Variants in KLF12 observed in about 807,000 individuals in gnomAD.
KLF12 encodes Krueppel-like factor 12.
KLF12 carries 9 observed loss-of-function variants against 37.8 expected under a neutral mutation model. The ratio of observed to expected loss-of-function variants is 0.24; its 90% confidence interval spans 0.14 to 0.42. The LOEUF (loss-of-function observed/expected upper bound fraction) is 0.42, where lower values mean the gene tolerates loss of function less well. Among genes scored for constraint, KLF12 ranks in the 10% least tolerant of loss-of-function variants. The probability of loss-of-function intolerance (pLI) is 1.00; values close to 1 mark genes in which losing one functional copy is unlikely to be tolerated. For synonymous variants in KLF12, 208 were observed against 202.1 expected (o/e 1.03, Z -0.25); for missense variants, 411 against 516.0 (o/e 0.80, Z 1.97).
At chr13:74,301,167 G>A in the KLF12 span, among the ~76,000 whole-genome samples, 6 of 152,084 alleles carry the variant, frequency 3.9e-5, no homozygotes, top group Non-Finnish European at 7.4e-5. Flanking sequence ...TCTGCAATGA[G>A]GAACAGTACA....
At chr13:73,813,378 C>T (rs1883046455) in intron 4 of KLF12, 91 bp from the exon 5 acceptor site, 1 of 1,368,760 alleles carries the variant, frequency 7.3e-7, no homozygotes, top group Non-Finnish European at 1.0e-6. Flanking sequence ...AACTTCTGTG[C>T]ATATCATGCA....
intron 1 of KLF12, among the ~76,000 whole-genome samples, chr13:74,002,560 GT>G: frequency 6.6e-6 from 1 of 152,184 alleles, no homozygotes; most frequent in South Asian, 2.1e-4. Context: ...TAGAGACGGA[GT>G]TCTGCCATGT....
chr13:73,792,246 A>G (rs1190926225), intron 5 of KLF12, among the ~76,000 whole-genome samples: 1 of 152,224 alleles, frequency 6.6e-6, no homozygotes, highest in Non-Finnish European at 1.5e-5. Flanking sequence ...GATTTTTTAC[A>G]ATGAAATTGT....
At chr13:74,120,595 T>C (rs890404314) in intron 1 of KLF12, among the ~76,000 whole-genome samples, 2 of 152,044 alleles carry the variant, frequency 1.3e-5, no homozygotes, top group Non-Finnish European at 2.9e-5. Flanking sequence ...ACCCTGGAAC[T>C]AGCAAAAATA....
intron 3 of KLF12, among the ~76,000 whole-genome samples, chr13:73,852,670 G>A (rs1445296161): frequency 1.3e-5 from 2 of 151,754 alleles, no homozygotes; most frequent in African/African-American, 4.8e-5. Context: ...TCAGCTACTG[G>A]GGAAGCTGAG....
At chr13:74,212,098 A>T in the KLF12 span, among the ~76,000 whole-genome samples, 24,963 of 152,138 alleles carry the variant, frequency 0.16, 2,305 homozygotes, top group African/African-American at 0.24. Context: ...CTGGGTTGGT[A>T]TTAGTTTTAT....
chr13:73,789,881 T>G (rs1402012870), intron 5 of KLF12, among the ~76,000 whole-genome samples: 3 of 152,122 alleles, frequency 2.0e-5, no homozygotes, highest in Non-Finnish European at 4.4e-5. Flanking sequence ...TTTCACCGTG[T>G]TAGCCAGGAT....
At chr13:74,151,654 A>G in the KLF12 span, among the ~76,000 whole-genome samples, 4 of 151,730 alleles carry the variant, frequency 2.6e-5, no homozygotes, top group Non-Finnish European at 4.4e-5. Context: ...CCCCATCTCA[A>G]TAAATAAATA....
the KLF12 span, among the ~76,000 whole-genome samples, chr13:74,193,817 G>A: frequency 2.6e-5 from 4 of 152,092 alleles, no homozygotes; most frequent in Admixed American, 2.6e-4. Context: ...CCTTTCTTCT[G>A]GCACTTTCTG....
At chr13:73,797,422 T>C (rs972185129) in intron 5 of KLF12, among the ~76,000 whole-genome samples, 3 of 152,192 alleles carry the variant, frequency 2.0e-5, no homozygotes, top group South Asian at 2.1e-4. Flanking sequence ...TTCCTTTAAA[T>C]ACAAATCATA....
chr13:73,805,626 G>A (rs778091373), intron 5 of KLF12, among the ~76,000 whole-genome samples: 22 of 39,654 alleles, frequency 5.5e-4, no homozygotes, highest in East Asian at 5.0e-3. Context: ...GGGAGGGAGG[G>A]AGGGAGGGAG....
the KLF12 span, among the ~76,000 whole-genome samples, chr13:74,244,276 T>C: frequency 6.6e-6 from 1 of 152,214 alleles, no homozygotes; most frequent in Non-Finnish European, 1.5e-5. Context: ...AGTCTTTTAT[T>C]TATAAACTAC....
At chr13:74,137,107 T>G (rs1878585357), upstream of KLF12, among the ~76,000 whole-genome samples, 7 of 152,144 alleles carry the variant, frequency 4.6e-5, no homozygotes. Context: ...AAAAGTAAGG[T>G]GTGGACGGAA....
chr13:74,280,173 T>G, the KLF12 span, among the ~76,000 whole-genome samples: 1 of 152,200 alleles, frequency 6.6e-6, no homozygotes, highest in Non-Finnish European at 1.5e-5. Flanking sequence ...TTACCAATCC[T>G]CACAACAATG....
chr13:73,928,132 A>T (rs952026278), intron 3 of KLF12, among the ~76,000 whole-genome samples: 5 of 152,238 alleles, frequency 3.3e-5, no homozygotes, highest in African/African-American at 7.2e-5. Flanking sequence ...CTGGGATTAC[A>T]GGCGTGAGCC....
intron 6 of KLF12, among the ~76,000 whole-genome samples, chr13:73,760,902 T>C (rs9592942): frequency 0.43 from 65,139 of 152,010 alleles, 14,395 homozygotes; most frequent in African/African-American, 0.51. Flanking sequence ...CTTTAGAATA[T>C]GAACATGGAT....
At chr13:74,264,924 A>T in the KLF12 span, among the ~76,000 whole-genome samples, 2 of 152,144 alleles carry the variant, frequency 1.3e-5, no homozygotes, top group Admixed American at 1.3e-4. Flanking sequence ...CTGAATTCAT[A>T]GAGAGGGCAA....
chr13:73,929,291 T>C (rs1341021810), intron 3 of KLF12, among the ~76,000 whole-genome samples: 3 of 152,176 alleles, frequency 2.0e-5, no homozygotes, highest in African/African-American at 7.2e-5. Context: ...GTCACTGCTA[T>C]TAGCTAAGAA....
chr13:73,726,638 C>T (rs916667502), intron 6 of KLF12, among the ~76,000 whole-genome samples: 2 of 152,150 alleles, frequency 1.3e-5, no homozygotes, highest in African/African-American at 2.4e-5. Context: ...AATAATATTC[C>T]ATTTATGGAT....
Sources: gnomAD v4.1 joint callset for allele counts (sites outside exome capture counted in the v4.1 genomes callset) on GRCh38, gnomAD v4.1.1 for gene constraint, MANE v1.5 for transcripts, NCBI Gene and HGNC (gene_info 2026-07-23, HGNC 2026-07-21) for gene names.